NSMCE4A: variants seen among roughly 807,000 people sequenced by gnomAD.
The protein encoded by NSMCE4A is non-structural maintenance of chromosomes element 4 homolog A.
A neutral mutation model predicts 47.9 loss-of-function variants in NSMCE4A; 40 were observed. That is an observed-to-expected ratio of 0.83 (90% CI 0.65 to 1.09). The LOEUF is 1.09. Among genes scored for constraint, NSMCE4A ranks in the 50% least tolerant of loss-of-function variants. NSMCE4A has a pLI of 0.00. For synonymous variants in NSMCE4A, 166 were observed against 178.5 expected (o/e 0.93, Z 0.56); for missense variants, 500 against 507.0 (o/e 0.99, Z 0.13).
chr10:121,970,812 T>C, intron 3 of NSMCE4A, 127 bp downstream of exon 3: 1 of 816,444 alleles, frequency 1.2e-6, no homozygotes, highest in African/African-American at 1.7e-5. Flanking sequence ...GTAAGATCTC[T>C]ACAGAGGAAT....
intron 2 of NSMCE4A, 118 bp downstream of exon 2, chr10:121,973,886 G>A (rs1952765053): frequency 1.4e-6 from 1 of 693,222 alleles, no homozygotes; most frequent in Non-Finnish European, 2.5e-6. Flanking sequence ...AACGGTTCCC[G>A]AACTGGGAAA....
chr10:121,973,002 G>A (rs1390713447), intron 2 of NSMCE4A, among the ~76,000 whole-genome samples: 3 of 152,106 alleles, frequency 2.0e-5, no homozygotes, highest in African/African-American at 4.8e-5. Context: ...TGTGGGAGGC[G>A]GAGGCAGGTG....
chr10:121,961,777 A>G (rs1952503024), intron 6 of NSMCE4A: 1 of 360,930 alleles, frequency 2.8e-6, no homozygotes, highest in East Asian at 5.4e-5. Context: ...TTTTTACTTC[A>G]GCAATTTATA....
At chr10:121,961,353 T>C (rs1952493760) in intron 7 of NSMCE4A, 70 bp downstream of exon 7, 2 of 1,085,052 alleles carry the variant, frequency 1.8e-6, no homozygotes, top group Non-Finnish European at 1.3e-6. Flanking sequence ...CCAGCTCCCT[T>C]CTACAGCTTT....
At chr10:121,974,155 G>A (rs1952770718) in intron 1 of NSMCE4A, 74 bp from the exon 2 acceptor site, 1 of 1,385,746 alleles carries the variant, frequency 7.2e-7, no homozygotes, top group Non-Finnish European at 1.0e-6. Flanking sequence ...GTTATCACCT[G>A]CAACAGTAAA....
Position 121,974,020 on chromosome 10 carries a change from G to A in NSMCE4A, c.354C>T (p.Asn118=), listed in dbSNP as rs1488877968. The change falls in exon 2 of 11, where the codon AAC becomes AAT. Residue 118 remains asparagine (N), a synonymous_variant. Coordinates refer to ENST00000369023, the MANE Select transcript of NSMCE4A (RefSeq NM_017615.3). ...DKLTEVLEEA[N]TLFNEVSRAR... ...ACAAATTACCTTCATTAAACAGAGTGTTAGCCTCTTCAAGGACCTCTGTTA... is the reference window on the plus strand; with the variant it reads ...ACAAATTACCTTCATTAAACAGAGTATTAGCCTCTTCAAGGACCTCTGTTA... 1 of 1,599,482 alleles carries A rather than the reference G, an allele frequency of 6.3e-7. No homozygotes were observed. The highest frequency in any genetic ancestry group is 8.5e-7 in the Non-Finnish European group (1 of 1,170,004).
intron 1 of NSMCE4A, 129 bp downstream of exon 1, chr10:121,974,745 G>A: frequency 1.7e-6 from 2 of 1,155,044 alleles, no homozygotes; most frequent in Non-Finnish European, 2.1e-6. Context: ...GCTGGCACCC[G>A]GCGCGTCTCT....
chr10:121,964,071 G>A lies in NSMCE4A; in HGVS notation c.754-743C>T, dbSNP rs1404512863. 1.1e-4 allele frequency among the ~76,000 whole-genome samples: 15 copies of A among 135,480 alleles called. No homozygotes were observed. In the South Asian group the frequency reaches 1.7e-3, roughly 15 times the overall value. 88.9% of individuals were successfully genotyped at this position (135,480 alleles called of 152,430 possible). The stretch of plus-strand genomic sequence containing the variant: ...AGATCGCGCCACTGCACTCCAGCCC[G>A]GGTGATAGGGCAAGACTCTGTCTCA... On this transcript the variant is annotated intron_variant, in intron 5 of 10. Coordinates refer to ENST00000369023, the MANE Select transcript of NSMCE4A (RefSeq NM_017615.3).
chr10:121,974,763 C>G (rs113959117), intron 1 of NSMCE4A, 111 bp downstream of exon 1: 18,289 of 1,171,824 alleles, frequency 0.016, 295 homozygotes, highest in African/African-American at 0.075. Context: ...TCTACTAACG[C>G]CGCGCCGGGC....
Position 121,960,521 on chromosome 10 carries a change from A to G in NSMCE4A, c.940-115T>C. ...GTATCTCAGAAAATCAAATTACACC[A>G]TAGCAATAATAAGGTGATGATATAG... is the stretch of plus-strand genomic sequence containing the variant. On this transcript the variant is annotated intron_variant, in intron 7 of 10. Coordinates refer to ENST00000369023, the MANE Select transcript of NSMCE4A (RefSeq NM_017615.3). This position sits in a 1 kb window ranked among gnomAD's most constrained non-coding sequence, Gnocchi z 4.2. 1 of 641,404 alleles carries G rather than the reference A, an allele frequency of 1.6e-6. No individual in the cohort carries two copies. The highest frequency in any genetic ancestry group is 2.3e-5 in the South Asian group (1 of 43,428). The allele number at this position is 641,404 out of a possible 1,614,324, so 39.7% of individuals were successfully genotyped here.
In NSMCE4A at chr10:121,960,537, G is replaced by T; in HGVS notation, c.940-131C>A. On this transcript the variant is annotated intron_variant, in intron 7 of 10. Transcript: ENST00000369023. This position sits in a 1 kb window ranked among gnomAD's most constrained non-coding sequence, Gnocchi z 4.2. The stretch of plus-strand genomic sequence containing the variant: ...AATTACACCATAGCAATAATAAGGT[G>T]ATGATATAGATAAGACTTCCCTAGT... The T allele has an allele frequency of 1.7e-6, 1 of 581,102 alleles. No homozygotes were observed. The highest frequency in any genetic ancestry group is 2.9e-6 in the Non-Finnish European group (1 of 340,084). The allele number at this position is 581,102 out of a possible 1,614,324, so 36.0% of individuals were successfully genotyped here. A position where few individuals can be genotyped will look rare whatever the true frequency, so the allele number is the denominator to read the frequency against.
intron 4 of NSMCE4A, chr10:121,966,210 T>C (rs959111886): frequency 4.6e-5 from 7 of 152,154 alleles, no homozygotes; most frequent in East Asian, 1.9e-4. Flanking sequence ...AGTGACGTGG[T>C]TGAGAAATCT....
intron 2 of NSMCE4A, among the ~76,000 whole-genome samples, chr10:121,971,639 TTAAA>T (rs1293625232): frequency 6.6e-6 from 1 of 152,212 alleles, no homozygotes; most frequent in Non-Finnish European, 1.5e-5. Flanking sequence ...TCACAATCTC[TTAAA>T]TAACTCCAGT....
At chr10:121,970,868 T>C in intron 3 of NSMCE4A, 71 bp downstream of exon 3, 2 of 1,323,346 alleles carry the variant, frequency 1.5e-6, no homozygotes, top group South Asian at 1.5e-5. Context: ...TGCATATGGA[T>C]ATGAGCACAG....
In NSMCE4A at chr10:121,960,944, T is replaced by C. The variant is rs1590775928; in HGVS notation, c.939+479A>G. The stretch of plus-strand genomic sequence containing the variant: ...CAGACTTAAAGGGCTATAAGACTAC[T>C]ATAAACACGTGGCATATATCCTTTA... On this transcript the variant is annotated intron_variant, in intron 7 of 10. Coordinates refer to ENST00000369023, the MANE Select transcript of NSMCE4A (RefSeq NM_017615.3). The surrounding 1 kb of genome is among the most constrained non-coding windows in gnomAD (Gnocchi z 4.2). 6.6e-6 allele frequency among the ~76,000 whole-genome samples: 1 copy of C among 152,212 alleles called. No individual in the cohort carries two copies. Among genetic ancestry groups the C allele is most frequent in the East Asian group, 1.9e-4 (1 of 5,204 alleles).
At chr10:121,969,501 T>TAAAAAAAAAA (rs35005382) in intron 3 of NSMCE4A, among the ~76,000 whole-genome samples, 3 of 138,206 alleles carry the variant, frequency 2.2e-5, no homozygotes, top group African/African-American at 5.3e-5. Context: ...AAAAAAAAGT[T>TAAAAAAAAAA]AAAAAAAAAA....
At chr10:121,963,104 G>A (rs529878072) in intron 6 of NSMCE4A, 134 bp downstream of exon 6, 118 of 428,804 alleles carry the variant, frequency 2.8e-4, no homozygotes, top group African/African-American at 2.3e-3. Flanking sequence ...ATTTCTAAAG[G>A]GGAGAAGAAT....
chr10:121,964,980 G>A (rs1277857394), intron 5 of NSMCE4A, among the ~76,000 whole-genome samples: 1 of 152,104 alleles, frequency 6.6e-6, no homozygotes, highest in Non-Finnish European at 1.5e-5. Context: ...GGCTGGGGAT[G>A]CCGCTAAGCA....
intron 2 of NSMCE4A, 132 bp from the exon 3 acceptor site, chr10:121,971,201 G>A: frequency 3.7e-6 from 3 of 808,026 alleles, no homozygotes; most frequent in Non-Finnish European, 5.6e-6. Context: ...ATAGGCAACT[G>A]ACACATCTCC....
Sources: allele counts gnomAD v4.1 joint callset (sites outside exome capture counted in the v4.1 genomes callset), GRCh38; gene constraint gnomAD v4.1.1; non-coding constraint Gnocchi (gnomAD v3.1); transcripts MANE v1.5; gene names NCBI Gene and HGNC (gene_info 2026-07-23, HGNC 2026-07-21).